The following ROBO1 variants were observed in gnomAD, a reference collection of about 807,000 sequenced individuals.
ROBO1 encodes the protein roundabout guidance receptor 1.
Under a neutral mutation model 195.9 loss-of-function variants are expected in ROBO1, and 149 were observed. The ratio of observed to expected loss-of-function variants is 0.76; its 90% CI spans 0.67 to 0.87. The LOEUF (loss-of-function observed/expected upper bound fraction) is 0.87. ROBO1 is among the 40% of genes least tolerant of loss of function. The pLI is 0.00. For synonymous variants in ROBO1, 816 were observed against 733.2 expected, an observed-to-expected ratio of 1.11 and a Z score of -1.82; for missense variants, 1,933 against 2,068.3, an observed-to-expected ratio of 0.93 and a Z score of 1.27.
At chr3:79,099,204 A>G (rs374004881) in intron 3 of ROBO1, among the ~76,000 whole-genome samples, 3 of 151,782 alleles carry the variant, frequency 2.0e-5, no homozygotes, top group African/African-American at 7.2e-5. Context: ...GCTTTTTCAA[A>G]ACACACTTGT....
chr3:79,764,170 G>A (rs1461906096), intron 1 of ROBO1, among the ~76,000 whole-genome samples: 2 of 152,154 alleles, frequency 1.3e-5, no homozygotes, highest in African/African-American at 2.4e-5. Flanking sequence ...TTGCAGGTAC[G>A]GTGACTAACA....
intron 2 of ROBO1, among the ~76,000 whole-genome samples, chr3:79,541,026 T>C (rs959359653): frequency 2.0e-5 from 3 of 152,230 alleles, no homozygotes; most frequent in African/African-American, 7.2e-5. Flanking sequence ...TATTAAGTAA[T>C]GTTATTATTT....
chr3:79,321,370 C>A (rs993318342), intron 2 of ROBO1, among the ~76,000 whole-genome samples: 1 of 152,144 alleles, frequency 6.6e-6, no homozygotes, highest in Non-Finnish European at 1.5e-5. Flanking sequence ...TTGTAGCAGG[C>A]ATGTTCCAAG....
intron 28 of ROBO1, 37 bp downstream of exon 28, chr3:78,614,611 G>A: frequency 6.2e-7 from 1 of 1,607,222 alleles, no homozygotes; most frequent in African/African-American, 1.3e-5. Context: ...AAATAGGCGA[G>A]ATTCATAGAC....
intron 2 of ROBO1, among the ~76,000 whole-genome samples, chr3:79,397,173 GTGT>G (rs1230137463): frequency 4.0e-5 from 6 of 151,300 alleles, no homozygotes; most frequent in Non-Finnish European, 8.8e-5. Context: ...ACTTTAAAAA[GTGT>G]TTTGGAAGAC....
At chr3:79,706,718 T>A (rs9827295) in intron 1 of ROBO1, among the ~76,000 whole-genome samples, 1 of 151,874 alleles carries the variant, frequency 6.6e-6, no homozygotes, top group African/African-American at 2.4e-5. Context: ...CCATGTAAAA[T>A]ATGACTTGCT....
chr3:79,568,073 C>T (rs1943148204), intron 2 of ROBO1, among the ~76,000 whole-genome samples: 1 of 152,052 alleles, frequency 6.6e-6, no homozygotes. Context: ...CCCTAAATAT[C>T]CACAATCTCA....
At chr3:79,094,871 C>T (rs1378850310) in intron 3 of ROBO1, among the ~76,000 whole-genome samples, 2 of 145,706 alleles carry the variant, frequency 1.4e-5, no homozygotes, top group South Asian at 4.5e-4. Context: ...TCCCTCCCTC[C>T]CTCTCTCCCT....
intron 2 of ROBO1, among the ~76,000 whole-genome samples, chr3:79,182,367 T>A (rs2081356015): frequency 2.0e-5 from 3 of 152,334 alleles, no homozygotes; most frequent in African/African-American, 7.2e-5. Context: ...TTAGCATTTG[T>A]CTTGTGAGCC....
intron 8 of ROBO1, among the ~76,000 whole-genome samples, chr3:78,700,354 T>C (rs1360997651): frequency 1.3e-5 from 2 of 152,206 alleles, no homozygotes; most frequent in African/African-American, 2.4e-5. Context: ...GTTTTGTACA[T>C]AGAAAGTGCT....
At chr3:79,024,611 C>A (rs536618094) in intron 3 of ROBO1, among the ~76,000 whole-genome samples, 3 of 152,152 alleles carry the variant, frequency 2.0e-5, no homozygotes, top group Non-Finnish European at 4.4e-5. Context: ...AGATTCAATA[C>A]GTTTAAGGAT....
At chr3:79,303,499 T>G (rs1205979918) in intron 2 of ROBO1, among the ~76,000 whole-genome samples, 1 of 152,096 alleles carries the variant, frequency 6.6e-6, no homozygotes, top group Non-Finnish European at 1.5e-5. Context: ...ATACTTGATA[T>G]ACATTATCTC....
chr3:79,008,755 ATTTT>A (rs5850410), intron 3 of ROBO1, among the ~76,000 whole-genome samples: 206 of 134,360 alleles, frequency 1.5e-3, no homozygotes, highest in African/African-American at 4.6e-3. Flanking sequence ...CACCATGCTA[ATTTT>A]TTTTTTTTTT....
intron 1 of ROBO1, among the ~76,000 whole-genome samples, chr3:79,764,716 T>C (rs577323657): frequency 1.3e-5 from 2 of 152,360 alleles, no homozygotes; most frequent in South Asian, 4.1e-4. Flanking sequence ...ACAACACTAC[T>C]TTCCAAATAG....
intron 3 of ROBO1, among the ~76,000 whole-genome samples, chr3:79,071,477 G>A (rs999456859): frequency 2.6e-5 from 4 of 151,438 alleles, no homozygotes; most frequent in African/African-American, 9.7e-5. Flanking sequence ...CCAGGACTAG[G>A]GGTGCTCTGG....
chr3:79,141,298 T>C (rs959843177), intron 2 of ROBO1, among the ~76,000 whole-genome samples: 2 of 152,074 alleles, frequency 1.3e-5, no homozygotes, highest in Admixed American at 1.3e-4. Context: ...ACCTCTAAGG[T>C]TGCATTCACT....
rs76123244 is a variant in ROBO1 at position 79,478,396 on chromosome 3, C to G, written c.88+111428G>C. Among the ~76,000 whole-genome samples, 7 of 140,680 alleles carry G rather than the reference C, an allele frequency of 5.0e-5. No homozygotes were observed. In the East Asian group the frequency reaches 1.5e-3, roughly 30 times the overall value. The allele number at this position is 140,680 out of a possible 152,430, so 92.3% of individuals were successfully genotyped here. On this transcript the variant is annotated intron_variant, in intron 2 of 30. Coordinates refer to ENST00000464233, the MANE Select transcript of ROBO1 (RefSeq NM_002941.4). ...CTGAATCTGCAGACCAACCCCCCCA[C>G]CCCCCAAAAAAAAGACTTACATGTT...
intron 18 of ROBO1, among the ~76,000 whole-genome samples, chr3:78,652,608 T>C (rs2107624308): frequency 6.6e-6 from 1 of 152,228 alleles, no homozygotes; most frequent in Non-Finnish European, 1.5e-5. Flanking sequence ...AATGTTACCA[T>C]TGAAAGAGCC....
At chr3:79,694,182 C>A (rs67472571) in intron 1 of ROBO1, among the ~76,000 whole-genome samples, 43,594 of 151,564 alleles carry the variant, frequency 0.29, 7,634 homozygotes, top group East Asian at 0.53. Context: ...GGAGGATGCA[C>A]AAATGCATTC....
Sources: gnomAD v4.1 joint callset for allele counts (sites outside exome capture counted in the v4.1 genomes callset) on GRCh38, gnomAD v4.1.1 for gene constraint, MANE v1.5 for transcripts, NCBI Gene and HGNC (gene_info 2026-07-23, HGNC 2026-07-21) for gene names.